The following CPN1 variants were observed in gnomAD, a reference collection of about 807,000 sequenced individuals.
The protein encoded by CPN1 is carboxypeptidase N catalytic chain.
In CPN1, 37 loss-of-function variants were observed where a neutral mutation model predicts 46.4. That is an observed-to-expected ratio of 0.80 (90% confidence interval 0.61 to 1.05). The LOEUF (loss-of-function observed/expected upper bound fraction) is 1.05. Ranked by LOEUF, CPN1 falls within the 50% of genes least tolerant of loss-of-function variation. The pLI is 0.00. For missense variants in CPN1, 563 were observed against 602.6 expected (o/e 0.93, Z 0.69); for synonymous variants, 224 against 235.4 (o/e 0.95, Z 0.44).
chr10:100,076,404 G>A (rs1178262374), intron 1 of CPN1, among the ~76,000 whole-genome samples: 1 of 152,184 alleles, frequency 6.6e-6, no homozygotes, highest in Non-Finnish European at 1.5e-5. Flanking sequence ...AATAGCCTCA[G>A]GGTGAGGGTA....
intron 1 of CPN1, among the ~76,000 whole-genome samples, chr10:100,076,658 C>T (rs2041516949): frequency 1.3e-5 from 2 of 152,238 alleles, no homozygotes; most frequent in South Asian, 4.1e-4. Context: ...AAGTTTCTTG[C>T]TCCATCTGAA....
chr10:100,043,633 G>A (rs779890210), intron 8 of CPN1, among the ~76,000 whole-genome samples: 57 of 151,742 alleles, frequency 3.8e-4, no homozygotes, highest in Non-Finnish European at 6.8e-4. Flanking sequence ...ATGATAAAGA[G>A]TGTTGGTATG....
Position 100,069,818 on chromosome 10 carries a change from C to G in CPN1, c.472G>C (p.Asp158His), listed in dbSNP as rs1310209033. The G allele has an allele frequency of 6.2e-6, 10 of 1,613,620 alleles. No individual in the cohort carries two copies. In the Admixed American group the frequency reaches 1.7e-4, roughly 27 times the overall value. ...LVGRNNANGV[D>H]LNRNFPDLNT... ...AGATCAGGGAAGTTGCGGTTCAGGT[C>G]CACTCCATTTGCATTGTTCCTGCCA... The change falls in exon 3 of 9, where the codon GAC becomes CAC. Residue 158 changes from aspartate (D) to histidine (H), a missense_variant. Coordinates refer to ENST00000370418, the MANE Select transcript of CPN1 (RefSeq NM_001308.3).
intron 5 of CPN1, among the ~76,000 whole-genome samples, chr10:100,062,212 C>T (rs7921215): frequency 0.074 from 11,205 of 152,146 alleles, 700 homozygotes; most frequent in African/African-American, 0.17. Flanking sequence ...CAGCTTCTTG[C>T]TCCAGACTCT....
intron 2 of CPN1, among the ~76,000 whole-genome samples, chr10:100,074,517 G>A (rs2041503401): frequency 1.3e-5 from 2 of 152,168 alleles, no homozygotes; most frequent in Non-Finnish European, 2.9e-5. Flanking sequence ...CTGGGTTCAA[G>A]CAACTCCCCT....
In CPN1 at chr10:100,048,846, A is replaced by C. The variant is rs558141823; in HGVS notation, c.1142T>G (p.Leu381Arg). 5.6e-6 allele frequency: 9 copies of C among 1,613,658 alleles called. No homozygotes were observed. The East Asian group carries it at 2.0e-4, about 36-fold the overall frequency. Residue 381 changes from leucine (L) to arginine (R), a missense_variant, in exon 8 of 9, where the codon CTT (leucine) becomes CGT (arginine). By Grantham distance (102) the Leu-to-Arg change is moderately radical. Coordinates refer to ENST00000370418, the MANE Select transcript of CPN1 (RefSeq NM_001308.3). Reference protein sequence around the residue: ...GDHGDYFRLLLPGIYTVSATA... With the variant: ...GDHGDYFRLLRPGIYTVSATA... ...GGCACTAACAGTGTAGATACCTGGA[A>C]GCAGCAGCCGGAAGTAATCACCATG...
chr10:100,044,280 T>C (rs1431363725), intron 8 of CPN1, among the ~76,000 whole-genome samples: 1 of 151,702 alleles, frequency 6.6e-6, no homozygotes, highest in South Asian at 2.1e-4. Flanking sequence ...GACAAGAAAA[T>C]GAGGCAAGGA....
At chr10:100,069,672 G>C in intron 3 of CPN1, 42 bp downstream of exon 3, 1 of 1,613,200 alleles carries the variant, frequency 6.2e-7, no homozygotes, top group Non-Finnish European at 8.5e-7. Context: ...AGAAATTCCA[G>C]ATGCTGATTT....
At chr10:100,048,967 C>CT (rs1190769407) in intron 7 of CPN1, 91 bp from the exon 8 acceptor site, 917 of 1,024,888 alleles carry the variant, frequency 8.9e-4, no homozygotes, top group Non-Finnish European at 1.1e-3. Context: ...GTTGGCTTTT[C>CT]TTTTTTTTTG....
At chr10:100,075,792 A>G in intron 2 of CPN1, 119 bp downstream of exon 2, 1 of 1,131,400 alleles carries the variant, frequency 8.8e-7, no homozygotes, top group South Asian at 1.4e-5. Context: ...TGGCCATTTC[A>G]TCTTTTACTT....
chr10:100,058,323 T>C (rs889359972), intron 5 of CPN1, among the ~76,000 whole-genome samples: 1 of 152,194 alleles, frequency 6.6e-6, no homozygotes, highest in African/African-American at 2.4e-5. Context: ...TCTTCAGACC[T>C]GGGAGGTTAG....
intron 2 of CPN1, among the ~76,000 whole-genome samples, chr10:100,075,079 C>T (rs893955741): frequency 6.6e-6 from 1 of 152,054 alleles, no homozygotes; most frequent in Non-Finnish European, 1.5e-5. Flanking sequence ...CACCTGAGGC[C>T]AGGAGTTCAA....
intron 2 of CPN1, among the ~76,000 whole-genome samples, chr10:100,075,674 T>C (rs1261850330): frequency 6.6e-6 from 1 of 152,128 alleles, no homozygotes; most frequent in Admixed American, 6.6e-5. Flanking sequence ...TCTGGAAAGG[T>C]GTTGAGGGAA....
rs1352587926 is a variant in CPN1 at position 100,081,295 on chromosome 10, C to T, written c.223+108G>A. ...AGCACAGGCTGAGAAAGAGATAATA[C>T]CTTGTAGGCGGAGGCGTCCACGGAC... On this transcript the variant is annotated intron_variant, in intron 1 of 8. Transcript: ENST00000370418. 9 of 917,240 alleles carry T rather than the reference C, an allele frequency of 9.8e-6. No homozygotes were observed. The South Asian group carries it at 1.1e-4, about 11-fold the overall frequency. The allele number at this position is 917,240 out of a possible 1,614,324, so 56.8% of individuals were successfully genotyped here. A position where few individuals can be genotyped will look rare whatever the true frequency, so the allele number is the denominator to read the frequency against.
intron 6 of CPN1, 53 bp from the exon 7 acceptor site, chr10:100,054,499 A>G (rs910126772): frequency 5.7e-6 from 8 of 1,406,166 alleles, no homozygotes; most frequent in Admixed American, 1.7e-5. Context: ...CCATTTGTAC[A>G]GTGTTTTAGA....
chr10:100,065,289 C>T lies in CPN1; in HGVS notation c.658G>A (p.Val220Met). 6.2e-7 allele frequency: 1 copy of T among 1,614,170 alleles called. No individual in the cohort carries two copies. The highest frequency in any genetic ancestry group is 2.2e-5 in the East Asian group (1 of 44,874). ...VLSANLHGGA[V>M]VANYPYDKSF... ...TTGTCATACGGGTAATTGGCCACCA[C>T]CGCCCCTCCGTGGAGATTGGCTGAA... Residue 220 changes from valine to methionine, a missense_variant, in exon 4 of 9, where the codon GTG becomes ATG. By Grantham distance (21) the Val-to-Met change is conservative. Transcript: ENST00000370418.
In CPN1 at chr10:100,081,561, G is replaced by A. The variant is rs1303067171; in HGVS notation, c.65C>T (p.Thr22Ile). The stretch of plus-strand genomic sequence containing the variant: ...ATCATCATAGCGGTGGTGGCGAAAG[G>A]TCACCGGGGCAACCAACTTGAAGAG... ...LLLFKLVAPV[T>I]FRHHRYDDLV... Residue 22 changes from threonine (T) to isoleucine (I), a missense_variant, in exon 1 of 9, where the codon ACC (threonine) becomes ATC (isoleucine). Coordinates refer to ENST00000370418, the MANE Select transcript of CPN1 (RefSeq NM_001308.3). 2 of 1,614,058 alleles carry A rather than the reference G, an allele frequency of 1.2e-6. No individual in the cohort carries two copies. The highest frequency in any genetic ancestry group is 1.3e-5 in the African/African-American group (1 of 74,930).
intron 5 of CPN1, 26 bp from the exon 6 acceptor site, chr10:100,057,178 T>C: frequency 6.2e-7 from 1 of 1,612,966 alleles, no homozygotes; most frequent in African/African-American, 1.3e-5. Flanking sequence ...CAGCAGCAGA[T>C]TTCCATAACC....
chr10:100,075,218 A>G (rs922044483), intron 2 of CPN1, among the ~76,000 whole-genome samples: 1 of 152,172 alleles, frequency 6.6e-6, no homozygotes, highest in Non-Finnish European at 1.5e-5. Flanking sequence ...TGAACCTGGG[A>G]GGCAGAAATC....
Sources: allele counts gnomAD v4.1 joint callset (sites outside exome capture counted in the v4.1 genomes callset), GRCh38; gene constraint gnomAD v4.1.1; transcripts MANE v1.5; gene names NCBI Gene and HGNC (gene_info 2026-07-23, HGNC 2026-07-21).